Variants in GLP1R observed in about 807,000 individuals in gnomAD.
GLP1R encodes glucagon like peptide 1 receptor, also known as glucagon-like peptide 1 receptor.
GLP1R carries 32 observed loss-of-function variants against 68.4 expected under a neutral mutation model. The observed-to-expected ratio is 0.47, with a 90% confidence interval of 0.35 to 0.63. GLP1R has a LOEUF of 0.63. GLP1R is among the 20% of genes least tolerant of loss of function. The pLI is 0.00. For missense variants in GLP1R, 502 were observed against 594.9 expected (o/e 0.84, Z 1.62); for synonymous variants, 263 against 244.4 (o/e 1.08, Z -0.71).
At chr6:39,070,566 C>A (rs1017393252) in intron 5 of GLP1R, among the ~76,000 whole-genome samples, 8 of 152,224 alleles carry the variant, frequency 5.3e-5, no homozygotes, top group Non-Finnish European at 1.0e-4. Flanking sequence ...AGTTTACCCT[C>A]TCATCAGTAA....
rs1768533797 is a variant in GLP1R, at chr6:39,066,855, A to G, written c.509+552A>G. On this transcript the variant is annotated intron_variant, in intron 5 of 12. Transcript: ENST00000373256. Reference sequence around the variant, plus strand: ...CAGGGGGACTGGGTTCAAAGAGGGAAGGGATTCTGAGAGAATGAGACCTCA... The same window carrying G: ...CAGGGGGACTGGGTTCAAAGAGGGAGGGGATTCTGAGAGAATGAGACCTCA... Among the ~76,000 whole-genome samples the G allele has an allele frequency of 2.6e-5, 4 of 152,238 alleles. No individual in the cohort carries two copies. In the South Asian group the frequency reaches 8.3e-4, roughly 32 times the overall value.
At chr6:39,062,049 G>T (rs560778671) in intron 3 of GLP1R, among the ~76,000 whole-genome samples, 1 of 152,324 alleles carries the variant, frequency 6.6e-6, no homozygotes, top group East Asian at 1.9e-4. Flanking sequence ...CGTTGCCAGG[G>T]TGCAGGAGCT....
intron 1 of GLP1R, among the ~76,000 whole-genome samples, chr6:39,054,499 G>A (rs561412631): frequency 2.6e-5 from 4 of 152,142 alleles, no homozygotes; most frequent in Non-Finnish European, 4.4e-5. Flanking sequence ...ACACAGCCCC[G>A]TCCTCAGGGA....
At chr6:39,077,515 G>A (rs916850779) in intron 7 of GLP1R, among the ~76,000 whole-genome samples, 2 of 152,234 alleles carry the variant, frequency 1.3e-5, no homozygotes, top group Non-Finnish European at 2.9e-5. Context: ...AGTGATCAGA[G>A]AAAGAGAAAG....
chr6:39,083,208 C>T (rs1212843676), intron 12 of GLP1R, among the ~76,000 whole-genome samples: 1 of 152,210 alleles, frequency 6.6e-6, no homozygotes, highest in African/African-American at 2.4e-5. Context: ...AGACCCTGCT[C>T]AGAGAACGGG....
At chr6:39,060,657 C>G (rs1768335800) in intron 3 of GLP1R, among the ~76,000 whole-genome samples, 1 of 152,226 alleles carries the variant, frequency 6.6e-6, no homozygotes, top group South Asian at 2.1e-4. Context: ...CTTCCATCTT[C>G]TGCCAATGCC....
intron 5 of GLP1R, among the ~76,000 whole-genome samples, chr6:39,071,109 G>C (rs1768650115): frequency 6.6e-6 from 1 of 152,112 alleles, no homozygotes; most frequent in Non-Finnish European, 1.5e-5. Context: ...CACTTTGGGA[G>C]GCTGAGGTGG....
chr6:39,057,840 A>T (rs779004495), intron 3 of GLP1R, among the ~76,000 whole-genome samples: 1 of 150,436 alleles, frequency 6.6e-6, no homozygotes, highest in Admixed American at 6.6e-5. Flanking sequence ...GTGGGTCAGC[A>T]GTGGTGAGCC....
intron 1 of GLP1R, 111 bp from the exon 2 acceptor site, chr6:39,056,286 T>G: frequency 1.7e-6 from 1 of 598,320 alleles, no homozygotes; most frequent in Non-Finnish European, 3.0e-6. Flanking sequence ...CTGGCAGAAT[T>G]TGGGGCTTTG....
At chr6:39,076,935 C>G (rs1311711866) in intron 7 of GLP1R, among the ~76,000 whole-genome samples, 1 of 152,160 alleles carries the variant, frequency 6.6e-6, no homozygotes, top group Non-Finnish European at 1.5e-5. Flanking sequence ...TCAACCAACA[C>G]AGACCCTGAG....
At chr6:39,078,285 C>A (rs758993343) in intron 7 of GLP1R, 37 bp from the exon 8 acceptor site, 8 of 1,519,808 alleles carry the variant, frequency 5.3e-6, no homozygotes, top group Non-Finnish European at 6.4e-6. Flanking sequence ...TCTGGCCTGC[C>A]AGCCCCTCTC....
intron 1 of GLP1R, among the ~76,000 whole-genome samples, chr6:39,052,205 C>T (rs1199828938): frequency 6.6e-6 from 1 of 151,478 alleles, no homozygotes; most frequent in Admixed American, 6.6e-5. Flanking sequence ...CCTGTCCTTT[C>T]GTTCAGATAT....
At chr6:39,085,801 T>C (rs922390380) in intron 12 of GLP1R, 105 bp from the exon 13 acceptor site, 34 of 1,031,172 alleles carry the variant, frequency 3.3e-5, no homozygotes, top group Non-Finnish European at 4.4e-5. Flanking sequence ...TCTCTTAATA[T>C]AATGCAGTGG....
chr6:39,067,937 C>T (rs7766228), intron 5 of GLP1R, among the ~76,000 whole-genome samples: 69,031 of 151,924 alleles, frequency 0.45, 16,349 homozygotes, highest in Non-Finnish European at 0.51. Context: ...ACAGACATTC[C>T]CATTTCAAAA....
intron 3 of GLP1R, among the ~76,000 whole-genome samples, chr6:39,060,105 A>C (rs528212965): frequency 2.0e-5 from 3 of 152,130 alleles, no homozygotes; most frequent in African/African-American, 4.8e-5. Context: ...CAACTACCAC[A>C]GGCTCAAGCT....
intron 5 of GLP1R, among the ~76,000 whole-genome samples, chr6:39,067,211 A>T (rs1003625480): frequency 6.6e-6 from 1 of 152,238 alleles, no homozygotes; most frequent in African/African-American, 2.4e-5. Flanking sequence ...TTGTACTTTT[A>T]CCACATTTGT....
intron 1 of GLP1R, among the ~76,000 whole-genome samples, chr6:39,053,472 A>C (rs561027317): frequency 6.6e-6 from 1 of 152,340 alleles, no homozygotes; most frequent in Admixed American, 6.5e-5. Context: ...TTGATCCTAG[A>C]AGTGAGGAAG....
intron 4 of GLP1R, 68 bp downstream of exon 4, chr6:39,065,897 A>G: frequency 1.0e-6 from 1 of 958,242 alleles, no homozygotes; most frequent in Non-Finnish European, 1.7e-6. Flanking sequence ...ACTGGAGCAA[A>G]GACCCTTGGC....
At position 39,078,972 on chromosome 6, in the gene GLP1R, C is replaced by T. The variant is rs549066139; in HGVS notation, c.900C>T (p.Asn300=). 1.2e-6 allele frequency: 2 copies of T among 1,614,018 alleles called. No individual in the cohort carries two copies. The highest frequency in any genetic ancestry group is 1.1e-5 in the South Asian group (1 of 91,074). ...CCCTCCCCAGCTGCTGGACCAGGAA[C>T]TCCAACATGAACTACTGGCTCATTA... The part of the protein sequence containing the change: ...LYEDEGCWTR[N]SNMNYWLIIR... The change falls in exon 9 of 13, where the codon AAC becomes AAT. Residue 300 remains asparagine (N), a synonymous_variant. Coordinates refer to ENST00000373256, the MANE Select transcript of GLP1R (RefSeq NM_002062.5).
Sources: gnomAD v4.1 joint callset for allele counts (sites outside exome capture counted in the v4.1 genomes callset) on GRCh38, gnomAD v4.1.1 for gene constraint, MANE v1.5 for transcripts, NCBI Gene and HGNC (gene_info 2026-07-23, HGNC 2026-07-21) for gene names.